The following RALGDS variants were observed in gnomAD, a reference collection of about 807,000 sequenced individuals.
RALGDS encodes ral guanine nucleotide dissociation stimulator.
RALGDS carries 44 observed loss-of-function variants against 99.8 expected under a neutral mutation model. That is an observed-to-expected ratio of 0.44 (90% confidence interval 0.35 to 0.57). The LOEUF (loss-of-function observed/expected upper bound fraction) is 0.57, where lower values mean the gene tolerates loss of function less well. RALGDS is among the 20% of genes least tolerant of loss of function. The pLI, the probability that RALGDS is intolerant of heterozygous loss-of-function variation, is 0.01. For synonymous variants in RALGDS, 529 were observed against 505.0 expected (o/e 1.05, Z -0.64); for missense variants, 1,022 against 1,203.1 (o/e 0.85, Z 2.23).
In RALGDS at chr9:133,130,849, C is replaced by T. The variant is rs142173694; in HGVS notation, c.132+103G>A. 7.8e-4 allele frequency: 894 copies of T among 1,145,024 alleles called. 8 individuals are homozygous for T. The highest frequency in any genetic ancestry group is 7.7e-3 in the Middle Eastern group (39 of 5,092). The allele number at this position is 1,145,024 out of a possible 1,614,324, so 70.9% of individuals were successfully genotyped here. The stretch of plus-strand genomic sequence containing the variant: ...CTGCTCTGCAAAGCTTGCAGACGCT[C>T]CTTCCATCCTGACCTGGGGGCCAGA... On this transcript the variant is annotated intron_variant, in intron 1 of 17. Coordinates refer to the RALGDS transcript ENST00000372062.
rs763841878 is a variant in RALGDS at position 133,102,127 on chromosome 9, G to A, written c.2022C>T (p.Pro674=). ...IVKRWSDRQA[P]STELSTSGSS... ...TGCCACTGGTACTGAGCTCAGTGCTGGGGGCCTGGCGGCTGGGTGAAGAGT... is the reference window on the plus strand; with the variant it reads ...TGCCACTGGTACTGAGCTCAGTGCTAGGGGCCTGGCGGCTGGGTGAAGAGT... Residue 674 remains proline, a synonymous_variant, in exon 15 of 18, where the codon CCC becomes CCT. Coordinates refer to ENST00000372050, the MANE Select transcript of RALGDS (RefSeq NM_006266.4). 1 of 1,568,428 alleles carries A rather than the reference G, an allele frequency of 6.4e-7. No homozygotes were observed. Among genetic ancestry groups the A allele is most frequent in the East Asian group, 2.3e-5 (1 of 42,680 alleles).
intron 1 of RALGDS, among the ~76,000 whole-genome samples, chr9:133,119,245 C>A (rs1831778874): frequency 6.6e-6 from 1 of 152,142 alleles, no homozygotes; most frequent in Non-Finnish European, 1.5e-5. Context: ...TGGCAGGCCA[C>A]ATAGACACCA....
chr9:133,098,181 T>C lies in RALGDS; in HGVS notation c.*406A>G, dbSNP rs2119105421. On this transcript the variant is annotated 3_prime_UTR_variant, in exon 18 of 18. Coordinates refer to ENST00000372050, the MANE Select transcript of RALGDS (RefSeq NM_006266.4). The stretch of plus-strand genomic sequence containing the variant: ...CCTGCGAAGGTCACAGGCCAGTGCC[T>C]GTGGGCATGAGAGAACTGCAGTGGT... The C allele has an allele frequency of 5.6e-6, 2 of 354,888 alleles. No individual in the cohort carries two copies. The highest frequency in any genetic ancestry group is 4.5e-5 in the Admixed American group (1 of 22,442). The allele number at this position is 354,888 out of a possible 1,614,324, so 22.0% of individuals were successfully genotyped here.
intron 8 of RALGDS, 118 bp from the exon 9 acceptor site, chr9:133,106,134 G>A (rs1428208571): frequency 2.6e-6 from 2 of 774,108 alleles, no homozygotes; most frequent in Non-Finnish European, 4.4e-6. Flanking sequence ...AGCACACAGG[G>A]TACCCCAGAG....
intron 1 of RALGDS, among the ~76,000 whole-genome samples, chr9:133,119,827 T>C (rs1831823700): frequency 6.6e-6 from 1 of 152,100 alleles, no homozygotes; most frequent in Non-Finnish European, 1.5e-5. Context: ...CCAAGAGCTC[T>C]GCCCAACACT....
chr9:133,103,329 T>C, intron 11 of RALGDS, 67 bp from the exon 12 acceptor site: 2 of 1,595,118 alleles, frequency 1.3e-6, no homozygotes, highest in East Asian at 4.5e-5. Context: ...CCCCACCTCA[T>C]GCTGCACTAT....
rs762860197 is a variant in RALGDS at position 133,103,863 on chromosome 9, G to A, written c.1672-30C>T. ...GACATTGGGGTAGGAGGATGAGCAA[G>A]GCCCCTCCCCTGAAGGCTTTCTCAG... On this transcript the variant is annotated intron_variant, in intron 10 of 17. Transcript: ENST00000372050. The A allele has an allele frequency of 3.1e-6, 5 of 1,598,528 alleles. No homozygotes were observed. The South Asian group carries it at 3.3e-5, about 11-fold the overall frequency.
chr9:133,106,873 G>A (rs570528696), intron 7 of RALGDS, 125 bp from the exon 8 acceptor site: 29 of 923,452 alleles, frequency 3.1e-5, no homozygotes, highest in African/African-American at 4.9e-5. Flanking sequence ...CAGAGGGCAC[G>A]CCTGCGACCC....
intron 9 of RALGDS, among the ~76,000 whole-genome samples, chr9:133,105,550 A>G (rs1830975024): frequency 6.6e-6 from 1 of 151,782 alleles, no homozygotes. Context: ...TAGCGTCAGG[A>G]GCCTGGCCTC....
Position 133,121,058 on chromosome 9 carries a change from C to A in RALGDS, c.97G>T (p.Val33Leu), listed in dbSNP as rs904436978. ...TCGGGGACGCCCACCTCCAGGCGCA[C>A]GGCGTCCCACACGCTGCGGCTCCGC... ...SRRSRSVWDA[V>L]RLEVGVPDSC... Residue 33 changes from valine (V) to leucine (L), a missense_variant, in exon 1 of 18, where the codon GTG becomes TTG. Coordinates refer to ENST00000372050, the MANE Select transcript of RALGDS (RefSeq NM_006266.4). 18 of 1,490,134 alleles carry A rather than the reference C, an allele frequency of 1.2e-5. No homozygotes were observed. The highest frequency in any genetic ancestry group is 1.6e-5 in the Non-Finnish European group (18 of 1,126,554). The allele number at this position is 1,490,134 out of a possible 1,614,324, so 92.3% of individuals were successfully genotyped here. A position where few individuals can be genotyped will look rare whatever the true frequency, so the allele number is the denominator to read the frequency against.
At chr9:133,105,577 C>G (rs973986228) in intron 9 of RALGDS, among the ~76,000 whole-genome samples, 1 of 152,060 alleles carries the variant, frequency 6.6e-6, no homozygotes, top group Non-Finnish European at 1.5e-5. Flanking sequence ...ACAGACTGGG[C>G]CGGTGTGGGG....
chr9:133,111,054 T>G (rs1831312154), intron 2 of RALGDS, among the ~76,000 whole-genome samples: 1 of 152,118 alleles, frequency 6.6e-6, no homozygotes, highest in Non-Finnish European at 1.5e-5. Flanking sequence ...GGTGACAGAG[T>G]GAGACCCTGT....
intron 14 of RALGDS, 78 bp downstream of exon 14, chr9:133,102,398 C>T: frequency 1.3e-6 from 2 of 1,481,954 alleles, no homozygotes; most frequent in Non-Finnish European, 1.9e-6. Context: ...GCCTCCCTGA[C>T]TCCCTGAGCC....
intron 1 of RALGDS, among the ~76,000 whole-genome samples, chr9:133,138,432 A>G (rs1832461446): frequency 6.6e-6 from 1 of 152,110 alleles, no homozygotes; most frequent in Non-Finnish European, 1.5e-5. Context: ...ACAGCAAGGT[A>G]CCAGCTGCCC....
intron 11 of RALGDS, 152 bp downstream of exon 11, chr9:133,103,595 C>A: frequency 1.2e-6 from 1 of 859,372 alleles, no homozygotes; most frequent in Non-Finnish European, 2.0e-6. Flanking sequence ...CCAAACCCTG[C>A]TGCAGCTCTG....
At chr9:133,131,117 T>G (rs1447007597) in exon 1 of RALGDS, 2 of 1,448,350 alleles carry the variant, frequency 1.4e-6, no homozygotes, top group African/African-American at 1.4e-5. Context: ...GCCCAGACAC[T>G]GCCCCAGCAG....
At chr9:133,117,342 T>A (rs902571715) in intron 1 of RALGDS, among the ~76,000 whole-genome samples, 1 of 152,180 alleles carries the variant, frequency 6.6e-6, no homozygotes, top group Admixed American at 6.5e-5. Context: ...TGAGCTGGCA[T>A]CCCAGCATAG....
At chr9:133,103,593 T>A in intron 11 of RALGDS, 154 bp downstream of exon 11, 1 of 853,826 alleles carries the variant, frequency 1.2e-6, no homozygotes, top group Non-Finnish European at 2.0e-6. Flanking sequence ...AGCCAAACCC[T>A]GCTGCAGCTC....
At chr9:133,114,903 C>G (rs530476905) in intron 1 of RALGDS, among the ~76,000 whole-genome samples, 2 of 152,196 alleles carry the variant, frequency 1.3e-5, no homozygotes, top group Non-Finnish European at 2.9e-5. Flanking sequence ...ATGGGGTCCC[C>G]GGTGAGCAGG....
Sources: allele counts gnomAD v4.1 joint callset (sites outside exome capture counted in the v4.1 genomes callset), GRCh38; gene constraint gnomAD v4.1.1; transcripts MANE v1.5; gene names NCBI Gene and HGNC (gene_info 2026-07-23, HGNC 2026-07-21).